The following CEP128 variants were observed in gnomAD, a reference collection of about 807,000 sequenced individuals.
The protein encoded by CEP128 is centrosomal protein 128kDa.
Under a neutral mutation model 156.7 loss-of-function variants are expected in CEP128, and 132 were observed. The observed-to-expected ratio is 0.84, with a 90% confidence interval of 0.73 to 0.97. The LOEUF (loss-of-function observed/expected upper bound fraction) is 0.97. Ranked by LOEUF, CEP128 falls within the 50% of genes least tolerant of loss-of-function variation. The pLI is 0.00. For synonymous variants in CEP128, 469 were observed against 448.9 expected, an observed-to-expected ratio of 1.04 and a Z score of -0.57; for missense variants, 1,252 against 1,281.9, an observed-to-expected ratio of 0.98 and a Z score of 0.36.
At chr14:80,669,860 T>C (rs1895768537) in intron 19 of CEP128, among the ~76,000 whole-genome samples, 1 of 152,152 alleles carries the variant, frequency 6.6e-6, no homozygotes, top group Non-Finnish European at 1.5e-5. Context: ...GACTGGATAT[T>C]TCATAAGAAA....
At chr14:80,869,951 T>A (rs56991751) in intron 8 of CEP128, among the ~76,000 whole-genome samples, 11,830 of 152,036 alleles carry the variant, frequency 0.078, 497 homozygotes, top group African/African-American at 0.096. Context: ...CAAAGTCTTA[T>A]AAGAAAATAC....
At chr14:80,863,543 T>C (rs1887621712) in intron 8 of CEP128, among the ~76,000 whole-genome samples, 1 of 152,186 alleles carries the variant, frequency 6.6e-6, no homozygotes, top group East Asian at 1.9e-4. Context: ...TTCTCCTTAC[T>C]AAAAGTTGCA....
chr14:80,806,994 G>T (rs1003863805), intron 13 of CEP128, among the ~76,000 whole-genome samples: 15 of 152,106 alleles, frequency 9.9e-5, no homozygotes, highest in Non-Finnish European at 1.5e-4. Context: ...TTTTAAACAT[G>T]AGGAGGAAAC....
In CEP128 at chr14:80,904,093, G is replaced by T. The variant is rs145215535; in HGVS notation, c.480+720C>A. Among the ~76,000 whole-genome samples, 27 of 152,232 alleles carry T rather than the reference G, an allele frequency of 1.8e-4. 1 individual carries two copies. The highest frequency in any genetic ancestry group is 6.5e-4 in the African/African-American group (27 of 41,550). On this transcript the variant is annotated intron_variant, in intron 6 of 24. Transcript: ENST00000555265. ...GCCAAGATCGGCAAACAACCTAAGT[G>T]TCTATCAGTGAATGAATGGATACAG...
At chr14:80,733,123 T>C (rs60529658) in intron 19 of CEP128, among the ~76,000 whole-genome samples, 2,125 of 152,184 alleles carry the variant, frequency 0.014, 58 homozygotes, top group African/African-American at 0.049. Context: ...GCAAAAACAC[T>C]GAGCAAAAAT....
At chr14:80,577,552 A>G (rs1891412126) in intron 20 of CEP128, among the ~76,000 whole-genome samples, 1 of 152,130 alleles carries the variant, frequency 6.6e-6, no homozygotes, top group South Asian at 2.1e-4. Flanking sequence ...CATATTAAGA[A>G]GTCACCCACT....
chr14:80,768,052 T>A (rs1900328377), intron 16 of CEP128, among the ~76,000 whole-genome samples: 1 of 152,146 alleles, frequency 6.6e-6, no homozygotes, highest in South Asian at 2.1e-4. Flanking sequence ...GCTTTTATGT[T>A]CTACTCATTG....
rs752730891 is a variant in CEP128, at chr14:80,836,287, A to T, written c.975T>A (p.Gly325=). The T allele has an allele frequency of 6.8e-6, 11 of 1,613,860 alleles. No homozygotes were observed. Among genetic ancestry groups the T allele is most frequent in the Admixed American group, 1.7e-5 (1 of 59,998 alleles). The change falls in exon 12 of 25, where the codon GGT becomes GGA. Residue 325 remains glycine, a synonymous_variant. Transcript: ENST00000555265. The stretch of plus-strand genomic sequence containing the variant: ...AAATCTGAGATACTTGATGCTGTAA[A>T]CCCTTTCGATCACCTTCTGCTTTCG... ...QLTKAEGDRK[G]LQHQVSQISK...
intron 19 of CEP128, among the ~76,000 whole-genome samples, chr14:80,679,628 G>A (rs1896232543): frequency 6.6e-6 from 1 of 152,174 alleles, no homozygotes; most frequent in Non-Finnish European, 1.5e-5. Context: ...GCTAAACATA[G>A]ACCCTTATCA....
intron 16 of CEP128, among the ~76,000 whole-genome samples, chr14:80,775,815 G>C (rs1363644493): frequency 6.6e-6 from 1 of 152,212 alleles, no homozygotes; most frequent in African/African-American, 2.4e-5. Flanking sequence ...CAGAATCTGT[G>C]AAGCAGCATG....
chr14:80,913,944 G>A (rs1242085028), intron 4 of CEP128, among the ~76,000 whole-genome samples: 1 of 152,080 alleles, frequency 6.6e-6, no homozygotes, highest in Non-Finnish European at 1.5e-5. Flanking sequence ...TTAAAAAGGG[G>A]CTTTGAGAGA....
At chr14:80,521,928 T>G (rs187623154) in intron 23 of CEP128, among the ~76,000 whole-genome samples, 1 of 152,194 alleles carries the variant, frequency 6.6e-6, no homozygotes, top group Admixed American at 6.5e-5. Flanking sequence ...AATCTCTGTA[T>G]AGGGGAGGCT....
chr14:80,691,143 A>G (rs1896707088), intron 19 of CEP128, among the ~76,000 whole-genome samples: 1 of 152,202 alleles, frequency 6.6e-6, no homozygotes. Flanking sequence ...TTATGCTAAA[A>G]TCCACAGACC....
At chr14:80,562,462 G>A (rs9323688) in intron 20 of CEP128, among the ~76,000 whole-genome samples, 1 of 151,898 alleles carries the variant, frequency 6.6e-6, no homozygotes, top group Non-Finnish European at 1.5e-5. Flanking sequence ...TAAATAAAGA[G>A]AAATTACTAG....
chr14:80,740,098 AT>A lies in CEP128; in HGVS notation c.2806+2976del, dbSNP rs761226110. Among the ~76,000 whole-genome samples the A allele has an allele frequency of 8.8e-3, 1,319 of 150,248 alleles. 15 individuals are homozygous for A. Among genetic ancestry groups the A allele is most frequent in the Non-Finnish European group, 0.01 (690 of 67,402 alleles). On this transcript the variant is annotated intron_variant, in intron 19 of 24. Transcript: ENST00000555265. Reference sequence around the variant, plus strand: ...AACTATGCTTTCTTTTGGAAGAGTGATTTTTTTTTTCACTAAATATTAGTAT... The same window carrying A: ...AACTATGCTTTCTTTTGGAAGAGTGATTTTTTTTTCACTAAATATTAGTAT...
intron 16 of CEP128, among the ~76,000 whole-genome samples, chr14:80,769,429 TC>T (rs1163007850): frequency 6.6e-6 from 1 of 150,742 alleles, no homozygotes; most frequent in Non-Finnish European, 1.5e-5. Flanking sequence ...CCCTCCCCAC[TC>T]CCCCCGCCCC....
intron 8 of CEP128, among the ~76,000 whole-genome samples, chr14:80,890,154 T>C (rs951600416): frequency 1.8e-5 from 2 of 112,374 alleles, no homozygotes; most frequent in African/African-American, 7.3e-5. Context: ...TGTGGAGAAA[T>C]AGGAACATTT....
At chr14:80,950,376 A>C (rs935929786) in intron 2 of CEP128, among the ~76,000 whole-genome samples, 2 of 152,218 alleles carry the variant, frequency 1.3e-5, no homozygotes, top group Admixed American at 6.5e-5. Flanking sequence ...ACTAAGATAG[A>C]TATCAAGGCA....
rs564472332 is a variant in CEP128 at position 80,716,967 on chromosome 14, C to T, written c.2806+26108G>A. ...CTCTTTGAGGCTTTGCTTTCCATTT[C>T]GCTGATGGCTAATGTGTTCATTTTC... On this transcript the variant is annotated intron_variant, in intron 19 of 24. Transcript: ENST00000555265. Among the ~76,000 whole-genome samples the T allele has an allele frequency of 9.2e-5, 14 of 152,184 alleles. No homozygotes were observed. The East Asian group carries it at 2.3e-3, about 25-fold the overall frequency.
Sources: gnomAD v4.1 joint callset for allele counts (sites outside exome capture counted in the v4.1 genomes callset) on GRCh38, gnomAD v4.1.1 for gene constraint, MANE v1.5 for transcripts, NCBI Gene and HGNC (gene_info 2026-07-23, HGNC 2026-07-21) for gene names.